The following ARFGEF3 variants were observed in gnomAD, a reference collection of about 807,000 sequenced individuals.
The protein encoded by ARFGEF3 is ARFGEF family member 3, also known as brefeldin A-inhibited guanine nucleotide-exchange protein 3.
A neutral mutation model predicts 221.7 loss-of-function variants in ARFGEF3; 96 were observed. That is an observed-to-expected ratio of 0.43 (90% confidence interval 0.37 to 0.51). ARFGEF3 has a LOEUF of 0.51. Ranked by LOEUF, ARFGEF3 falls within the 20% of genes least tolerant of loss-of-function variation. ARFGEF3 has a pLI of 0.00. For missense variants in ARFGEF3, 2,410 were observed against 2,789.9 expected (o/e 0.86, Z 3.07); for synonymous variants, 1,145 against 1,126.8 (o/e 1.02, Z -0.32).
At chr6:138,277,307 C>CT (rs1471961825) in intron 12 of ARFGEF3, among the ~76,000 whole-genome samples, 5 of 152,176 alleles carry the variant, frequency 3.3e-5, no homozygotes, top group Non-Finnish European at 7.4e-5. Flanking sequence ...AACGCCATTC[C>CT]TTTTCATGGC....
intron 5 of ARFGEF3, among the ~76,000 whole-genome samples, chr6:138,234,068 C>A (rs906415787): frequency 1.3e-5 from 2 of 152,176 alleles, no homozygotes; most frequent in Non-Finnish European, 2.9e-5. Flanking sequence ...GGGCTTTGAG[C>A]ACGTGCTTCT....
chr6:138,213,146 G>A (rs976485063), intron 4 of ARFGEF3, among the ~76,000 whole-genome samples: 1 of 151,892 alleles, frequency 6.6e-6, no homozygotes, highest in African/African-American at 2.4e-5. Flanking sequence ...AAATTAGCCG[G>A]GCATGGTGGC....
At position 138,229,817 on chromosome 6, in the gene ARFGEF3, G is replaced by T; in HGVS notation, c.385G>T (p.Asp129Tyr). ...LLCITYTPTF[D>Y]LNGSAVLKIA... ...ATGCATCACCTACACGCCAACATTT[G>T]ATCTGAATGGGAGTGCCGTGCTGAA... is the stretch of plus-strand genomic sequence containing the variant. Residue 129 changes from aspartate to tyrosine, a missense_variant, in exon 5 of 34, where the codon GAT (aspartate) becomes TAT (tyrosine). Physicochemically the swap from Asp to Tyr is radical, Grantham distance 160 (BLOSUM62 -3). This residue lies in a region of ARFGEF3 where 570 missense variants were observed against 586.9 expected (regional missense o/e 0.97). Transcript: ENST00000251691. The T allele has an allele frequency of 6.2e-7, 1 of 1,613,744 alleles. No individual in the cohort carries two copies. Among genetic ancestry groups the T allele is most frequent in the South Asian group, 1.1e-5 (1 of 91,066 alleles).
chr6:138,254,059 C>G (rs1247862450), intron 9 of ARFGEF3, 75 bp downstream of exon 9: 7 of 955,536 alleles, frequency 7.3e-6, no homozygotes, highest in Non-Finnish European at 1.1e-5. Flanking sequence ...CTGGGTCCCT[C>G]TCCATGAAGT....
At chr6:138,175,429 G>A (rs956922897) in intron 2 of ARFGEF3, among the ~76,000 whole-genome samples, 3 of 152,100 alleles carry the variant, frequency 2.0e-5, no homozygotes, top group African/African-American at 7.2e-5. Context: ...TCTTTGCAGG[G>A]TTGAATAAAT....
rs114602016 is a variant in ARFGEF3 at position 138,332,408 on chromosome 6, T to C, written c.5124-1562T>C. Among the ~76,000 whole-genome samples, 549 of 152,196 alleles carry C rather than the reference T, an allele frequency of 3.6e-3. 1 individual carries two copies. The highest frequency in any genetic ancestry group is 0.012 in the African/African-American group (516 of 41,486). On this transcript the variant is annotated intron_variant, in intron 32 of 33. Transcript: ENST00000251691. Reference sequence around the variant, plus strand: ...TTCCTGGTTACTGGGGACAAGAAGATGAATAAGGTAGTGTCCTGTCCCTTG... The same window carrying C: ...TTCCTGGTTACTGGGGACAAGAAGACGAATAAGGTAGTGTCCTGTCCCTTG...
intron 1 of ARFGEF3, among the ~76,000 whole-genome samples, chr6:138,163,513 G>A (rs901058541): frequency 2.6e-5 from 4 of 152,138 alleles, no homozygotes; most frequent in African/African-American, 7.2e-5. Flanking sequence ...GATAAAGCAG[G>A]GCCCAATTGT....
At chr6:138,287,965 G>A (rs1023342701) in intron 17 of ARFGEF3, among the ~76,000 whole-genome samples, 2 of 151,920 alleles carry the variant, frequency 1.3e-5, no homozygotes, top group Admixed American at 6.6e-5. Context: ...AACTGAAAAA[G>A]GAGTCTCACA....
intron 4 of ARFGEF3, among the ~76,000 whole-genome samples, chr6:138,214,600 A>C (rs1777800160): frequency 6.6e-6 from 1 of 152,236 alleles, no homozygotes; most frequent in African/African-American, 2.4e-5. Context: ...GTGCTTATAA[A>C]CATGGAAGAT....
intron 12 of ARFGEF3, among the ~76,000 whole-genome samples, chr6:138,269,080 T>A (rs764456425): frequency 6.6e-6 from 1 of 152,160 alleles, no homozygotes; most frequent in Non-Finnish European, 1.5e-5. Flanking sequence ...GGAGCCCCCA[T>A]TATCTCCAGT....
chr6:138,252,255 A>G (rs903326034), intron 8 of ARFGEF3, among the ~76,000 whole-genome samples: 4 of 152,262 alleles, frequency 2.6e-5, no homozygotes, highest in Admixed American at 6.5e-5. Context: ...ACCTTTTTCT[A>G]TAAAGGGCTA....
At chr6:138,317,037 A>T (rs1192128443) in intron 26 of ARFGEF3, among the ~76,000 whole-genome samples, 1 of 152,194 alleles carries the variant, frequency 6.6e-6, no homozygotes, top group African/African-American at 2.4e-5. Context: ...GGGGAAGGAG[A>T]AGGAAATGTG....
At chr6:138,303,938 A>C (rs887590655) in intron 22 of ARFGEF3, among the ~76,000 whole-genome samples, 5 of 150,810 alleles carry the variant, frequency 3.3e-5, no homozygotes, top group Non-Finnish European at 5.9e-5. Context: ...TGGAACCTTC[A>C]TGCCCTACTG....
chr6:138,342,121 G>T lies in ARFGEF3; in HGVS notation c.*5635G>T, dbSNP rs1226058049. The T allele has an allele frequency of 6.6e-6, 1 of 152,168 alleles. No individual in the cohort carries two copies. The highest frequency in any genetic ancestry group is 6.5e-5 in the Admixed American group (1 of 15,282). 9.4% of individuals were successfully genotyped at this position (152,168 alleles called of 1,614,324 possible). A position where few individuals can be genotyped will look rare whatever the true frequency, so the allele number is the denominator to read the frequency against. Reference sequence around the variant, plus strand: ...AACCAGTGGTTGTCTAGTATCTTCTGTCTTTAGAACAGTGGTTCTCAAACT... The same window carrying T: ...AACCAGTGGTTGTCTAGTATCTTCTTTCTTTAGAACAGTGGTTCTCAAACT... On this transcript the variant is annotated 3_prime_UTR_variant, in exon 34 of 34. Transcript: ENST00000251691.
chr6:138,335,192 C>T lies in ARFGEF3; in HGVS notation c.6342+4C>T. 1 of 1,528,086 alleles carries T rather than the reference C, an allele frequency of 6.5e-7. No homozygotes were observed. 94.7% of individuals were successfully genotyped at this position (1,528,086 alleles called of 1,614,324 possible). On this transcript the variant is annotated splice_donor_region_variant and intron_variant, in intron 33 of 33. Transcript: ENST00000251691. ...AGACGCAGAAGCACAGATCCAGGTA[C>T]ATCCCTGTGGCCACAGCAGGTGGGC...
At chr6:138,279,925 G>A (rs1388762007) in intron 13 of ARFGEF3, 74 bp from the exon 14 acceptor site, 1 of 1,450,630 alleles carries the variant, frequency 6.9e-7, no homozygotes, top group African/African-American at 1.4e-5. Context: ...ACGTGAAGAG[G>A]CAGCAGAGGC....
Position 138,336,561 on chromosome 6 carries a change from TC to T in ARFGEF3, c.*79del. The T allele has an allele frequency of 8.2e-7, 1 of 1,218,380 alleles. No individual in the cohort carries two copies. The highest frequency in any genetic ancestry group is 1.1e-6 in the Non-Finnish European group (1 of 871,010). 75.5% of individuals were successfully genotyped at this position (1,218,380 alleles called of 1,614,324 possible). A position where few individuals can be genotyped will look rare whatever the true frequency, so the allele number is the denominator to read the frequency against. On this transcript the variant is annotated 3_prime_UTR_variant, in exon 34 of 34. Transcript: ENST00000251691. ...TCCTGCCAATACAGCTGTTGCATTT[TC>T]CCCACCACTAGCCCCACTTAAACTA...
intron 26 of ARFGEF3, among the ~76,000 whole-genome samples, chr6:138,314,393 T>C (rs1426351235): frequency 2.0e-5 from 3 of 152,206 alleles, no homozygotes; most frequent in Non-Finnish European, 4.4e-5. Context: ...TTCCAACACA[T>C]GAATGTTGGG....
At chr6:138,332,465 G>C (rs930602231) in intron 32 of ARFGEF3, among the ~76,000 whole-genome samples, 1 of 152,164 alleles carries the variant, frequency 6.6e-6, no homozygotes, top group Non-Finnish European at 1.5e-5. Context: ...GGACAGACTT[G>C]TTTGATCAGT....
Sources: allele counts gnomAD v4.1 joint callset (sites outside exome capture counted in the v4.1 genomes callset), GRCh38; gene constraint gnomAD v4.1.1; regional missense constraint gnomAD v4.1.1; transcripts MANE v1.5; gene names NCBI Gene and HGNC (gene_info 2026-07-23, HGNC 2026-07-21).